Variants in PROM1 observed in about 807,000 individuals in gnomAD.
PROM1 encodes prominin-1.
Under a neutral mutation model 116.9 loss-of-function variants are expected in PROM1, and 105 were observed. The ratio of observed to expected loss-of-function variants is 0.90; its 90% confidence interval spans 0.77 to 1.06. PROM1 has a LOEUF of 1.06. Ranked by LOEUF, PROM1 falls within the 50% of genes least tolerant of loss-of-function variation. The pLI is 0.00. For synonymous variants in PROM1, 393 were observed against 387.0 expected, an observed-to-expected ratio of 1.02 and a Z score of -0.18; for missense variants, 1,122 against 1,045.2, an observed-to-expected ratio of 1.07 and a Z score of -1.01.
rs370997223 is a variant in PROM1 at position 16,008,991 on chromosome 4, A to G, written c.1259T>C (p.Ile420Thr). ...SVYVNNTESY[I>T]HRNLPTLEEY... Reference sequence around the variant, plus strand: ...TTCCAATGTAGGTAAATTTCTGTGGATGTAACTTTCAGTGTTATTAACATA... The same window carrying G: ...TTCCAATGTAGGTAAATTTCTGTGGGTGTAACTTTCAGTGTTATTAACATA... The change falls in exon 12 of 28, where the codon ATC becomes ACC. Residue 420 changes from isoleucine to threonine, a missense_variant. By Grantham distance (89) the Ile-to-Thr change is moderately conservative. Transcript: ENST00000447510. The G allele has an allele frequency of 8.1e-6, 13 of 1,595,848 alleles. No homozygotes were observed. In the East Asian group the frequency reaches 2.0e-4, roughly 25 times the overall value.
chr4:15,975,142 G>C (rs1261150507), intron 26 of PROM1, among the ~76,000 whole-genome samples: 1 of 152,052 alleles, frequency 6.6e-6, no homozygotes, highest in East Asian at 1.9e-4. Context: ...CTTAAGTAAG[G>C]GTTTACAGTG....
chr4:15,994,474 A>G (rs889736241), intron 15 of PROM1, among the ~76,000 whole-genome samples: 2 of 152,216 alleles, frequency 1.3e-5, no homozygotes, highest in African/African-American at 4.8e-5. Flanking sequence ...AGCTCCTGCC[A>G]AGAACATTTC....
intron 22 of PROM1, among the ~76,000 whole-genome samples, chr4:15,984,997 T>C (rs983399159): frequency 5.9e-5 from 9 of 152,190 alleles, no homozygotes; most frequent in Non-Finnish European, 1.2e-4. Context: ...CTGATGTGCA[T>C]GGATGAGTTC....
At chr4:16,044,911 A>G (rs1356448300) in intron 2 of PROM1, among the ~76,000 whole-genome samples, 1 of 152,150 alleles carries the variant, frequency 6.6e-6, no homozygotes, top group African/African-American at 2.4e-5. Context: ...AAAAAGTGGT[A>G]AGTCTCTGGC....
chr4:15,987,525 A>C (rs1719749768), intron 20 of PROM1, 138 bp downstream of exon 20: 2 of 890,828 alleles, frequency 2.2e-6, no homozygotes, highest in Non-Finnish European at 3.6e-6. Flanking sequence ...AGGAAAGCCC[A>C]ATTTGCTATT....
chr4:15,989,728 T>C lies in PROM1; in HGVS notation c.2076+4A>G, dbSNP rs568290297. On this transcript the variant is annotated splice_donor_region_variant and intron_variant, in intron 19 of 27. Coordinates refer to ENST00000447510, the MANE Select transcript of PROM1 (RefSeq NM_006017.3). Reference sequence around the variant, plus strand: ...GTGAAATACAATACGTCGTTGACTGTTACCAGTGATTGTTCTATAGGAAGG... The same window carrying C: ...GTGAAATACAATACGTCGTTGACTGCTACCAGTGATTGTTCTATAGGAAGG... The C allele has an allele frequency of 6.3e-7, 1 of 1,591,322 alleles. No individual in the cohort carries two copies. Among genetic ancestry groups the C allele is most frequent in the East Asian group, 2.2e-5 (1 of 44,650 alleles).
chr4:16,004,916 T>TC (rs200373034), intron 13 of PROM1, among the ~76,000 whole-genome samples: 2 of 101,082 alleles, frequency 2.0e-5, no homozygotes, highest in Non-Finnish European at 4.6e-5. Flanking sequence ...CCTTCCTTCC[T>TC]TCCTTCCTTC....
chr4:15,988,694 G>A (rs1396086019), intron 19 of PROM1, among the ~76,000 whole-genome samples: 1 of 151,970 alleles, frequency 6.6e-6, no homozygotes, highest in African/African-American at 2.4e-5. Flanking sequence ...TGTGTACTTG[G>A]GAAAAAAGCA....
intron 10 of PROM1, among the ~76,000 whole-genome samples, chr4:16,015,355 A>AAAAT (rs1293700333): frequency 6.7e-6 from 1 of 149,348 alleles, no homozygotes; most frequent in Non-Finnish European, 1.5e-5. Context: ...CAAAAAAAAA[A>AAAAT]AAAAAAAAAA....
At chr4:15,983,537 G>A (rs926635469) in intron 23 of PROM1, among the ~76,000 whole-genome samples, 1 of 152,166 alleles carries the variant, frequency 6.6e-6, no homozygotes, top group African/African-American at 2.4e-5. Context: ...GAGAAAGGCG[G>A]CGTGTGCCCA....
rs3214275 is a variant in PROM1 at position 15,987,558 on chromosome 4, CT to C, written c.2130+104del. On this transcript the variant is annotated intron_variant, in intron 20 of 27. Transcript: ENST00000447510. ...ATTTAAAATAGGTAGATAACTGAGG[CT>C]TTTTTTTTCAACTTAAAGTACCTAC... The C allele has an allele frequency of 1.8e-5, 21 of 1,186,914 alleles. No individual in the cohort carries two copies. In the East Asian group the frequency reaches 3.7e-4, roughly 21 times the overall value. 73.5% of individuals were successfully genotyped at this position (1,186,914 alleles called of 1,614,324 possible). A position where few individuals can be genotyped will look rare whatever the true frequency, so the allele number is the denominator to read the frequency against.
chr4:16,006,969 G>A (rs1185328613), intron 12 of PROM1, among the ~76,000 whole-genome samples: 1 of 152,088 alleles, frequency 6.6e-6, no homozygotes, highest in South Asian at 2.1e-4. Flanking sequence ...TGATTCCCAC[G>A]GGTGTCACAC....
chr4:16,020,643 T>C (rs893129055), intron 8 of PROM1, among the ~76,000 whole-genome samples: 10 of 152,272 alleles, frequency 6.6e-5, no homozygotes, highest in African/African-American at 1.4e-4. Context: ...GGATAAGTTA[T>C]CTTAAGGCAA....
At chr4:15,975,797 G>A (rs1316342968) in intron 26 of PROM1, among the ~76,000 whole-genome samples, 1 of 152,158 alleles carries the variant, frequency 6.6e-6, no homozygotes, top group Admixed American at 6.5e-5. Context: ...GACTTGCCAG[G>A]GTTCCCACTG....
At chr4:16,044,479 T>A in intron 2 of PROM1, among the ~76,000 whole-genome samples, 1 of 152,216 alleles carries the variant, frequency 6.6e-6, no homozygotes, top group Non-Finnish European at 1.5e-5. Context: ...TAAGTGCCTC[T>A]CTGCGGAGAG....
chr4:15,984,694 G>C (rs915668861), intron 22 of PROM1, among the ~76,000 whole-genome samples: 1 of 152,222 alleles, frequency 6.6e-6, no homozygotes, highest in Admixed American at 6.5e-5. Context: ...CCCTATTGTG[G>C]AACTGCACAT....
chr4:16,062,109 G>A lies in PROM1; in HGVS notation c.220+13578C>T, dbSNP rs926927821. 3.3e-5 allele frequency among the ~76,000 whole-genome samples: 5 copies of A among 151,906 alleles called. No homozygotes were observed. The South Asian group carries it at 1.0e-3, about 32-fold the overall frequency. ...GGGTTTCACCGTGTTGGCCAGGCTG[G>A]TCTCGATCTCCTGACTTCGTGACCA... On this transcript the variant is annotated intron_variant, in intron 2 of 27. Transcript: ENST00000447510.
intron 5 of PROM1, among the ~76,000 whole-genome samples, chr4:16,031,196 A>C (rs1295743694): frequency 6.6e-6 from 1 of 152,250 alleles, no homozygotes; most frequent in African/African-American, 2.4e-5. Flanking sequence ...CTTGTTAAAT[A>C]AGTAATCATT....
chr4:16,016,261 A>G, intron 9 of PROM1, 21 bp from the exon 10 acceptor site: 1 of 1,535,920 alleles, frequency 6.5e-7, no homozygotes, highest in Non-Finnish European at 8.8e-7. Flanking sequence ...ATAAAACAAA[A>G]TATAAGACAA....
Sources: gnomAD v4.1 joint callset for allele counts (sites outside exome capture counted in the v4.1 genomes callset) on GRCh38, gnomAD v4.1.1 for gene constraint, MANE v1.5 for transcripts, NCBI Gene and HGNC (gene_info 2026-07-23, HGNC 2026-07-21) for gene names.